The following GRID2 variants were observed in gnomAD, a reference collection of about 807,000 sequenced individuals.
GRID2 encodes glutamate receptor ionotropic, delta-2.
In GRID2, 33 loss-of-function variants were observed where a neutral mutation model predicts 114.8. The ratio of observed to expected loss-of-function variants is 0.29; its 90% CI spans 0.22 to 0.38. The LOEUF is 0.38. Among genes scored for constraint, GRID2 ranks in the 10% least tolerant of loss-of-function variants. The pLI is 1.00. For synonymous variants in GRID2, 505 were observed against 449.9 expected, an observed-to-expected ratio of 1.12 and a Z score of -1.55; for missense variants, 1,184 against 1,257.7, an observed-to-expected ratio of 0.94 and a Z score of 0.89.
At chr4:92,686,793 G>A (rs977661920) in intron 2 of GRID2, among the ~76,000 whole-genome samples, 2 of 152,030 alleles carry the variant, frequency 1.3e-5, no homozygotes, top group Non-Finnish European at 2.9e-5. Context: ...ATTGTGATAT[G>A]AAAGACAAGT....
At chr4:92,834,496 A>T (rs1011272955) in intron 2 of GRID2, among the ~76,000 whole-genome samples, 24 of 152,168 alleles carry the variant, frequency 1.6e-4, no homozygotes, top group South Asian at 8.3e-4. Context: ...GAAATGAGGG[A>T]TTCTGAATTT....
chr4:92,957,714 G>T (rs1005246223), intron 2 of GRID2, among the ~76,000 whole-genome samples: 1 of 151,792 alleles, frequency 6.6e-6, no homozygotes, highest in Non-Finnish European at 1.5e-5. Flanking sequence ...TTTGATTGGG[G>T]TTGTATATTA....
At chr4:93,204,339 C>T (rs973793373) in intron 4 of GRID2, among the ~76,000 whole-genome samples, 1 of 152,092 alleles carries the variant, frequency 6.6e-6, no homozygotes, top group African/African-American at 2.4e-5. Flanking sequence ...AGGACTCATA[C>T]TGAAGGTTCA....
At chr4:93,443,754 A>C (rs1345559939) in intron 10 of GRID2, among the ~76,000 whole-genome samples, 2 of 151,844 alleles carry the variant, frequency 1.3e-5, no homozygotes, top group Non-Finnish European at 2.9e-5. Context: ...TGGAAAAAAA[A>C]CCTTTAAGTC....
chr4:93,583,665 G>A (rs551952020), intron 13 of GRID2, among the ~76,000 whole-genome samples: 3 of 152,180 alleles, frequency 2.0e-5, no homozygotes, highest in East Asian at 3.9e-4. Context: ...AGTGGCAGGG[G>A]TCAGAATCAG....
At chr4:93,587,353 T>A (rs1440411438) in intron 13 of GRID2, among the ~76,000 whole-genome samples, 1 of 152,142 alleles carries the variant, frequency 6.6e-6, no homozygotes, top group Non-Finnish European at 1.5e-5. Flanking sequence ...TTGATAGATA[T>A]GTTAATTCTG....
intron 2 of GRID2, among the ~76,000 whole-genome samples, chr4:92,993,303 A>C (rs1014172354): frequency 3.7e-4 from 56 of 151,566 alleles, no homozygotes; most frequent in African/African-American, 1.3e-3. Context: ...AAAAAAAAAA[A>C]CAAAAAACTT....
intron 9 of GRID2, among the ~76,000 whole-genome samples, chr4:93,411,617 T>G (rs1213818594): frequency 2.0e-5 from 3 of 151,992 alleles, no homozygotes; most frequent in African/African-American, 7.2e-5. Flanking sequence ...GTAGTTTTAG[T>G]AGAGACGAGT....
At chr4:93,185,622 A>G (rs1001652077) in intron 4 of GRID2, among the ~76,000 whole-genome samples, 1 of 152,206 alleles carries the variant, frequency 6.6e-6, no homozygotes, top group African/African-American at 2.4e-5. Context: ...GTAGATATTA[A>G]TGACACTTCA....
rs1579403809 is a variant in GRID2, at chr4:92,460,074, C to T, written c.89-130057C>T. Among the ~76,000 whole-genome samples, 4 of 50,498 alleles carry T rather than the reference C, an allele frequency of 7.9e-5. No homozygotes were observed. The South Asian group carries it at 3.9e-3, about 49-fold the overall frequency. 33.1% of individuals were successfully genotyped at this position (50,498 alleles called of 152,430 possible). On this transcript the variant is annotated intron_variant, in intron 1 of 15. Coordinates refer to ENST00000282020, the MANE Select transcript of GRID2 (RefSeq NM_001510.4). ...TATATACACACACAACTTTTTGGTT[C>T]TGTTTCTCTGGAGAACTCTGACTAA...
At chr4:92,773,177 A>G (rs1738620753) in intron 2 of GRID2, among the ~76,000 whole-genome samples, 1 of 152,232 alleles carries the variant, frequency 6.6e-6, no homozygotes, top group Admixed American at 6.5e-5. Context: ...TTCATAGTAT[A>G]CTAAACATCA....
chr4:93,421,428 A>G (rs914321346), intron 9 of GRID2, among the ~76,000 whole-genome samples: 1 of 152,230 alleles, frequency 6.6e-6, no homozygotes, highest in African/African-American at 2.4e-5. Context: ...TTGCTCTAAG[A>G]TAACATATAA....
chr4:93,125,204 A>G (rs1259598017), intron 4 of GRID2, among the ~76,000 whole-genome samples: 1 of 151,922 alleles, frequency 6.6e-6, no homozygotes, highest in Non-Finnish European at 1.5e-5. Context: ...CTTTTTTCAT[A>G]TGTCTTTTTT....
At chr4:93,657,080 C>A (rs1723089587) in intron 14 of GRID2, among the ~76,000 whole-genome samples, 1 of 151,868 alleles carries the variant, frequency 6.6e-6, no homozygotes, top group Non-Finnish European at 1.5e-5. Context: ...GAAAGTCTGG[C>A]ATTTTAGTAA....
intron 14 of GRID2, among the ~76,000 whole-genome samples, chr4:93,732,079 A>C (rs1730530653): frequency 6.6e-6 from 1 of 152,224 alleles, no homozygotes; most frequent in African/African-American, 2.4e-5. Flanking sequence ...ATCAGCAGCT[A>C]TTCTAAAGAG....
chr4:93,196,249 C>T (rs1371494314), intron 4 of GRID2, among the ~76,000 whole-genome samples: 1 of 152,008 alleles, frequency 6.6e-6, no homozygotes, highest in African/African-American at 2.4e-5. Flanking sequence ...TTTAGAAACC[C>T]CAGAAAGCTC....
intron 1 of GRID2, among the ~76,000 whole-genome samples, chr4:92,482,476 A>G (rs1014612042): frequency 1.4e-4 from 21 of 152,198 alleles, no homozygotes; most frequent in Admixed American, 8.5e-4. Flanking sequence ...AAATGAAATA[A>G]AAATAATTAT....
intron 4 of GRID2, among the ~76,000 whole-genome samples, chr4:93,144,430 T>A (rs969928830): frequency 2.0e-5 from 3 of 152,232 alleles, no homozygotes; most frequent in African/African-American, 7.2e-5. Context: ...GAGGCTTTTC[T>A]GACACCAAAT....
At chr4:93,198,805 A>G (rs539385312) in intron 4 of GRID2, among the ~76,000 whole-genome samples, 131 of 152,320 alleles carry the variant, frequency 8.6e-4, no homozygotes, top group African/African-American at 3.0e-3. Flanking sequence ...TATTGCATTT[A>G]GACGTGATGA....
Sources: allele counts gnomAD v4.1 joint callset (sites outside exome capture counted in the v4.1 genomes callset), GRCh38; gene constraint gnomAD v4.1.1; transcripts MANE v1.5; gene names NCBI Gene and HGNC (gene_info 2026-07-23, HGNC 2026-07-21).